The following PAIP1 variants were observed in gnomAD, a reference collection of about 807,000 sequenced individuals.
PAIP1 encodes the protein poly(A) binding protein interacting protein 1.
PAIP1 carries 16 observed loss-of-function variants against 61.3 expected under a neutral mutation model. The observed-to-expected ratio is 0.26, with a 90% CI of 0.18 to 0.40. The LOEUF (loss-of-function observed/expected upper bound fraction) is 0.40, where lower values mean the gene tolerates loss of function less well. Ranked by LOEUF, PAIP1 falls within the 10% of genes least tolerant of loss-of-function variation. The pLI, the probability that PAIP1 is intolerant of heterozygous loss-of-function variation, is 1.00. For missense variants in PAIP1, 416 were observed against 600.9 expected (o/e 0.69, Z 3.22); for synonymous variants, 187 against 226.2 (o/e 0.83, Z 1.56).
In PAIP1 at chr5:43,537,008, A is replaced by C; in HGVS notation, c.847-64T>G. On this transcript the variant is annotated intron_variant, in intron 5 of 10. Coordinates refer to ENST00000306846, the MANE Select transcript of PAIP1 (RefSeq NM_006451.5). ...AAAATATAATACAGATACATAAATG[A>C]ACTAACAAGGTGTTGGCAAAATAAG... 4.4e-5 allele frequency: 54 copies of C among 1,222,034 alleles called. No individual in the cohort carries two copies. The South Asian group carries it at 7.9e-4, about 18-fold the overall frequency. 75.7% of individuals were successfully genotyped at this position (1,222,034 alleles called of 1,614,324 possible). A position where few individuals can be genotyped will look rare whatever the true frequency, so the allele number is the denominator to read the frequency against.
chr5:43,547,768 T>C lies in PAIP1; in HGVS notation c.581A>G (p.Asp194Gly). ...TTCCACAAGTTCTTGCAAAGCATCA[T>C]CTGTTGTAACACAACCATTCAGGGT... ...AETLNGCVTT[D>G]DALQELVELI... The change falls in exon 3 of 11, where the codon GAT (aspartate) becomes GGT (glycine). Residue 194 changes from aspartate (D) to glycine (G), a missense_variant. Transcript: ENST00000306846. The C allele has an allele frequency of 6.2e-7, 1 of 1,611,322 alleles. No homozygotes were observed. The highest frequency in any genetic ancestry group is 8.5e-7 in the Non-Finnish European group (1 of 1,179,522).
Position 43,556,770 on chromosome 5 carries a change from G to A in PAIP1, c.77C>T (p.Pro26Leu), listed in dbSNP as rs1170876904. ...TCCGTTCGGGAAACCGCCGCCCTCAGGCCCGCCCCCTCCGCGGCCCAGGCC... is the reference window on the plus strand; with the variant it reads ...TCCGTTCGGGAAACCGCCGCCCTCAAGCCCGCCCCCTCCGCGGCCCAGGCC... ...SRGLGRGGGGPEGGGFPNGAG... is the reference protein window; with the variant it reads ...SRGLGRGGGGLEGGGFPNGAG... Residue 26 changes from proline (P) to leucine (L), a missense_variant, in exon 1 of 11, where the codon CCT (proline) becomes CTT (leucine). Transcript: ENST00000306846. The A allele has an allele frequency of 1.0e-5, 15 of 1,435,810 alleles. No individual in the cohort carries two copies. Among genetic ancestry groups the A allele is most frequent in the Admixed American group, 2.9e-5 (1 of 34,748 alleles). 88.9% of individuals were successfully genotyped at this position (1,435,810 alleles called of 1,614,324 possible).
intron 4 of PAIP1, among the ~76,000 whole-genome samples, 159 bp downstream of exon 4, chr5:43,542,845 A>G (rs567550971): frequency 1.2e-4 from 18 of 152,358 alleles, no homozygotes; most frequent in Admixed American, 8.5e-4. Flanking sequence ...CATTACAGAA[A>G]AAAGACTGGT....
chr5:43,544,067 T>A (rs6866802), intron 3 of PAIP1, among the ~76,000 whole-genome samples: 1 of 148,998 alleles, frequency 6.7e-6, no homozygotes, highest in Non-Finnish European at 1.5e-5. Flanking sequence ...CACTTGAGTG[T>A]AGGAGTTCAA....
intron 3 of PAIP1, among the ~76,000 whole-genome samples, chr5:43,547,418 T>C (rs111465888): frequency 3.9e-5 from 6 of 152,324 alleles, no homozygotes; most frequent in African/African-American, 1.4e-4. Context: ...GTGACACTTA[T>C]GTAGCCTTCG....
At chr5:43,554,834 A>G (rs760195472) in intron 2 of PAIP1, among the ~76,000 whole-genome samples, 33 of 152,164 alleles carry the variant, frequency 2.2e-4, no homozygotes, top group Non-Finnish European at 3.7e-4. Flanking sequence ...GTAATATACC[A>G]AAAAGAAATA....
intron 2 of PAIP1, among the ~76,000 whole-genome samples, chr5:43,548,879 T>C (rs1747744950): frequency 6.6e-6 from 1 of 151,908 alleles, no homozygotes; most frequent in Admixed American, 6.6e-5. Context: ...AGTGAGTGCA[T>C]AGAAGAAAAA....
chr5:43,555,794 A>G (rs753392132), intron 2 of PAIP1, 36 bp downstream of exon 2: 9 of 1,536,914 alleles, frequency 5.9e-6, no homozygotes, highest in Non-Finnish European at 7.1e-6. Context: ...ATTCCAGTAA[A>G]TTAACCCAGA....
intron 2 of PAIP1, among the ~76,000 whole-genome samples, chr5:43,549,849 T>G (rs1238309957): frequency 1.3e-5 from 2 of 152,008 alleles, no homozygotes; most frequent in Non-Finnish European, 2.9e-5. Context: ...CCTCCCAGAG[T>G]AGCTGGGACT....
chr5:43,553,034 G>A (rs1441119475), intron 2 of PAIP1, among the ~76,000 whole-genome samples: 1 of 148,760 alleles, frequency 6.7e-6, no homozygotes, highest in Non-Finnish European at 1.5e-5. Context: ...GAAGTAACTT[G>A]AAGAGGGATT....
At chr5:43,543,310 C>CAAAAAAAAAAAAAAAAAAAAA (rs11427976) in intron 3 of PAIP1, among the ~76,000 whole-genome samples, 194 bp from the exon 4 acceptor site, 1 of 96,038 alleles carries the variant, frequency 1.0e-5, no homozygotes, top group Non-Finnish European at 2.0e-5. Flanking sequence ...ACAATAAGTA[C>CAAAAAAAAAAAAAAAAAAAAA]AAAAAAAAAA....
intron 4 of PAIP1, among the ~76,000 whole-genome samples, chr5:43,542,697 C>T (rs1032863510): frequency 6.6e-6 from 1 of 152,090 alleles, no homozygotes; most frequent in Non-Finnish European, 1.5e-5. Context: ...ATGGATTATT[C>T]ACTTTTATTC....
intron 3 of PAIP1, among the ~76,000 whole-genome samples, chr5:43,544,835 G>A (rs1747568536): frequency 6.6e-6 from 1 of 152,136 alleles, no homozygotes; most frequent in South Asian, 2.1e-4. Context: ...TCCCTGAGGT[G>A]TCTCATTATA....
At chr5:43,555,454 T>C (rs988333529) in intron 2 of PAIP1, among the ~76,000 whole-genome samples, 10 of 152,252 alleles carry the variant, frequency 6.6e-5, no homozygotes, top group African/African-American at 1.7e-4. Context: ...AAAGTTGTTA[T>C]ATAAGTGACA....
chr5:43,532,284 G>A (rs1350893048), intron 9 of PAIP1, among the ~76,000 whole-genome samples: 1 of 152,112 alleles, frequency 6.6e-6, no homozygotes, highest in East Asian at 1.9e-4. Flanking sequence ...AAGATTCACA[G>A]TAAGGTAAAA....
chr5:43,542,143 T>G (rs1747439177), intron 4 of PAIP1, among the ~76,000 whole-genome samples: 1 of 147,430 alleles, frequency 6.8e-6, no homozygotes, highest in Non-Finnish European at 1.5e-5. Context: ...GCCACTGCAC[T>G]CCAGCCTGGG....
intron 5 of PAIP1, among the ~76,000 whole-genome samples, chr5:43,538,257 G>T (rs1052234591): frequency 6.6e-6 from 1 of 151,974 alleles, no homozygotes; most frequent in African/African-American, 2.4e-5. Flanking sequence ...TTCATTTAGG[G>T]GGAATAAGTT....
intron 9 of PAIP1, among the ~76,000 whole-genome samples, chr5:43,530,672 T>C (rs193215988): frequency 2.0e-5 from 3 of 152,270 alleles, no homozygotes; most frequent in Admixed American, 1.3e-4. Context: ...ATTTTGACAA[T>C]TTAGAGACCG....
chr5:43,529,129 G>GA (rs10665308), intron 10 of PAIP1, among the ~76,000 whole-genome samples: 3,422 of 142,632 alleles, frequency 0.024, 138 homozygotes, highest in African/African-American at 0.072. Context: ...TAGTTCTCAA[G>GA]AAAAAAAAAA....
Sources: allele counts gnomAD v4.1 joint callset (sites outside exome capture counted in the v4.1 genomes callset), GRCh38; gene constraint gnomAD v4.1.1; transcripts MANE v1.5; gene names NCBI Gene and HGNC (gene_info 2026-07-23, HGNC 2026-07-21).